EVI5: variants seen among roughly 807,000 people sequenced by gnomAD.
EVI5 encodes ecotropic viral integration site 5, also known as ecotropic viral integration site 5 protein homolog.
In EVI5, 73 loss-of-function variants were observed where a neutral mutation model predicts 112.0. That is an observed-to-expected ratio of 0.65 (90% CI 0.54 to 0.79). The LOEUF is 0.79. Among genes scored for constraint, EVI5 ranks in the 30% least tolerant of loss-of-function variants. The pLI, the probability that EVI5 is intolerant of heterozygous loss-of-function variation, is 0.00. For synonymous variants in EVI5, 305 were observed against 319.9 expected (o/e 0.95, Z 0.50); for missense variants, 900 against 968.8 (o/e 0.93, Z 0.94).
At chr1:92,551,834 C>T (rs1020574363) in intron 19 of EVI5, among the ~76,000 whole-genome samples, 1 of 152,076 alleles carries the variant, frequency 6.6e-6, no homozygotes, top group Non-Finnish European at 1.5e-5. Context: ...AGCTCCATTT[C>T]CTTCAAAAAA....
chr1:92,691,169 G>C (rs938270942), intron 9 of EVI5, among the ~76,000 whole-genome samples: 5 of 152,090 alleles, frequency 3.3e-5, no homozygotes, highest in African/African-American at 1.2e-4. Flanking sequence ...GACATTTTTG[G>C]CACAACTGAG....
intron 9 of EVI5, among the ~76,000 whole-genome samples, chr1:92,685,786 A>T (rs953107213): frequency 6.6e-6 from 1 of 152,222 alleles, no homozygotes. Context: ...CAAATAAACT[A>T]GAAAATCTAG....
At chr1:92,757,930 A>T in intron 1 of EVI5, among the ~76,000 whole-genome samples, 1 of 123,700 alleles carries the variant, frequency 8.1e-6, no homozygotes, top group East Asian at 2.4e-4. Flanking sequence ...AAAAAAAAAA[A>T]ATCACAGAAT....
intron 2 of EVI5, among the ~76,000 whole-genome samples, chr1:92,735,774 T>C (rs1442596373): frequency 1.4e-5 from 2 of 144,168 alleles, no homozygotes; most frequent in African/African-American, 5.0e-5. Flanking sequence ...ATATGTTATA[T>C]ATAACATATT....
intron 16 of EVI5, among the ~76,000 whole-genome samples, chr1:92,615,790 T>G (rs1652981216): frequency 6.6e-6 from 1 of 151,996 alleles, no homozygotes; most frequent in Non-Finnish European, 1.5e-5. Flanking sequence ...TAAGTTAAAG[T>G]CTCAGTGGGA....
chr1:92,521,454 G>A (rs1660914171), intron 19 of EVI5, among the ~76,000 whole-genome samples: 1 of 152,162 alleles, frequency 6.6e-6, no homozygotes, highest in Non-Finnish European at 1.5e-5. Context: ...ACTTTGGGAG[G>A]CCAAGGCGGA....
chr1:92,753,376 T>C (rs926946070), intron 1 of EVI5, among the ~76,000 whole-genome samples: 9 of 152,022 alleles, frequency 5.9e-5, no homozygotes, highest in South Asian at 2.1e-4. Context: ...CACTCTCTAA[T>C]AGAAATATAA....
At chr1:92,790,425 C>T (rs1570992139) in intron 1 of EVI5, among the ~76,000 whole-genome samples, 1 of 152,110 alleles carries the variant, frequency 6.6e-6, no homozygotes, top group African/African-American at 2.4e-5. Flanking sequence ...AGAACATTTC[C>T]ACTCATCAGA....
At chr1:92,772,883 G>A (rs1683610828) in intron 1 of EVI5, among the ~76,000 whole-genome samples, 1 of 142,930 alleles carries the variant, frequency 7.0e-6, no homozygotes, top group African/African-American at 2.6e-5. Context: ...TCCAGCCTGG[G>A]CGACAAGAGA....
In EVI5 at chr1:92,509,090, T is replaced by C. The variant is rs973629281; in HGVS notation, c.*4566A>G. The C allele has an allele frequency of 7.2e-5, 11 of 152,314 alleles. No individual in the cohort carries two copies. Among genetic ancestry groups the C allele is most frequent in the African/African-American group, 2.7e-4 (11 of 41,468 alleles). The allele number at this position is 152,314 out of a possible 1,614,324, so 9.4% of individuals were successfully genotyped here. On this transcript the variant is annotated 3_prime_UTR_variant, in exon 20 of 20. Transcript: ENST00000684568. ...TGTTCGCTGTCAATGTCTGGTATGT[T>C]AATATACATTAATCAAGCTGGTCAT...
chr1:92,544,110 T>C (rs976917464), intron 19 of EVI5, among the ~76,000 whole-genome samples: 6 of 152,216 alleles, frequency 3.9e-5, no homozygotes, highest in African/African-American at 1.4e-4. Flanking sequence ...TTATATTAAA[T>C]GTCCAGAATT....
At chr1:92,667,936 T>C (rs1442527519) in intron 10 of EVI5, among the ~76,000 whole-genome samples, 1 of 152,174 alleles carries the variant, frequency 6.6e-6, no homozygotes, top group Admixed American at 6.5e-5. Flanking sequence ...ACTTACTTTT[T>C]TGTACCAATT....
intron 13 of EVI5, among the ~76,000 whole-genome samples, chr1:92,656,717 A>G (rs931134643): frequency 6.6e-6 from 1 of 152,208 alleles, no homozygotes; most frequent in Admixed American, 6.5e-5. Flanking sequence ...TACAACTGAT[A>G]CCACAGAAAT....
chr1:92,594,735 C>A (rs1253163317), intron 18 of EVI5, among the ~76,000 whole-genome samples: 1 of 150,504 alleles, frequency 6.6e-6, no homozygotes, highest in African/African-American at 2.4e-5. Flanking sequence ...AAACAAACAA[C>A]CCCATCAACA....
chr1:92,563,950 T>C (rs541645729), intron 18 of EVI5, among the ~76,000 whole-genome samples: 3 of 152,288 alleles, frequency 2.0e-5, no homozygotes, highest in South Asian at 2.1e-4. Context: ...CAGAGTTTCG[T>C]TCTTGTTGCC....
intron 1 of EVI5, among the ~76,000 whole-genome samples, chr1:92,781,681 G>A (rs1684877107): frequency 6.6e-6 from 1 of 151,936 alleles, no homozygotes; most frequent in South Asian, 2.1e-4. Flanking sequence ...GGGTGCAGTG[G>A]TTCATGCCTG....
Position 92,751,734 on chromosome 1 carries a change from C to T in EVI5, c.-81-15107G>A, listed in dbSNP as rs1276369920. 2.6e-5 allele frequency among the ~76,000 whole-genome samples: 4 copies of T among 151,530 alleles called. No homozygotes were observed. In the East Asian group the frequency reaches 5.8e-4, roughly 22 times the overall value. On this transcript the variant is annotated intron_variant, in intron 1 of 19. Transcript: ENST00000684568. ...TTAGATTACAAATAATTTTCCCAAC[C>T]GGGCACAGTGGCTCCCGTCTGTAAT...
At chr1:92,595,980 A>G (rs1318525198) in intron 18 of EVI5, among the ~76,000 whole-genome samples, 5 of 152,244 alleles carry the variant, frequency 3.3e-5, no homozygotes, top group African/African-American at 1.2e-4. Context: ...AAAAAATTCA[A>G]AAGTGGGTTT....
intron 1 of EVI5, among the ~76,000 whole-genome samples, chr1:92,741,577 A>G (rs1244706413): frequency 1.3e-5 from 2 of 152,180 alleles, no homozygotes; most frequent in African/African-American, 4.8e-5. Flanking sequence ...TTTTATTTTA[A>G]AAAGAAAAAA....
Sources: allele counts gnomAD v4.1 joint callset (sites outside exome capture counted in the v4.1 genomes callset), GRCh38; gene constraint gnomAD v4.1.1; transcripts MANE v1.5; gene names NCBI Gene and HGNC (gene_info 2026-07-23, HGNC 2026-07-21).